KANK1: variants seen among roughly 807,000 people sequenced by gnomAD.
KANK1 encodes the protein KN motif and ankyrin repeat domains 1.
KANK1 carries 109 observed loss-of-function variants against 106.2 expected under a neutral mutation model. The observed-to-expected ratio is 1.03, with a 90% CI of 0.88 to 1.20. The LOEUF is 1.20. Among genes scored for constraint, KANK1 ranks in the 50% most tolerant of loss-of-function variants. KANK1 has a pLI of 0.00. For synonymous variants in KANK1, 873 were observed against 652.2 expected (o/e 1.34, Z -5.16); for missense variants, 2,399 against 1,710.7 (o/e 1.40, Z -7.10).
intron 3 of KANK1, among the ~76,000 whole-genome samples, chr9:723,494 C>G (rs750690751): frequency 6.9e-6 from 1 of 145,316 alleles, no homozygotes; most frequent in African/African-American, 2.8e-5. Context: ...TCACAAGCAC[C>G]TGGGTCCTGT....
intron 3 of KANK1, among the ~76,000 whole-genome samples, chr9:482,172 C>T (rs961152681): frequency 1.3e-5 from 2 of 152,180 alleles, no homozygotes; most frequent in African/African-American, 4.8e-5. Context: ...CATATCCCAG[C>T]CTCACCGCCT....
At chr9:585,030 A>G (rs1823113115) in intron 1 of KANK1, among the ~76,000 whole-genome samples, 1 of 152,082 alleles carries the variant, frequency 6.6e-6, no homozygotes, top group African/African-American at 2.4e-5. Context: ...ACCCAGTGAC[A>G]TTTTGTCCTT....
At chr9:744,765 T>A in intron 11 of KANK1, 176 bp downstream of exon 11, 2 of 1,497,800 alleles carry the variant, frequency 1.3e-6, no homozygotes, top group Non-Finnish European at 1.8e-6. Flanking sequence ...GCAGGAGAAC[T>A]AATGTTTTAG....
At chr9:743,414 G>T (rs986029288) in intron 10 of KANK1, among the ~76,000 whole-genome samples, 1 of 152,186 alleles carries the variant, frequency 6.6e-6, no homozygotes, top group Non-Finnish European at 1.5e-5. Context: ...GCTTCTGACC[G>T]ACTTCTTTCT....
intron 3 of KANK1, among the ~76,000 whole-genome samples, chr9:496,679 G>GT (rs2058463544): frequency 1.3e-5 from 2 of 152,172 alleles, no homozygotes; most frequent in Admixed American, 1.3e-4. Flanking sequence ...AGCATTACAA[G>GT]TTGTTTTTGC....
At chr9:534,816 A>G (rs1587592660) in intron 1 of KANK1, among the ~76,000 whole-genome samples, 1 of 152,254 alleles carries the variant, frequency 6.6e-6, no homozygotes, top group Admixed American at 6.5e-5. Flanking sequence ...AAAGCTGTTT[A>G]TTCATCTTAA....
intron 1 of KANK1, among the ~76,000 whole-genome samples, chr9:635,762 G>A (rs929047220): frequency 2.3e-5 from 3 of 130,604 alleles, no homozygotes; most frequent in Admixed American, 8.9e-5. Context: ...GCAGTGGCAC[G>A]ATCTCAGCTC....
intron 1 of KANK1, among the ~76,000 whole-genome samples, chr9:603,753 C>T (rs1023865380): frequency 4.6e-5 from 7 of 151,388 alleles, no homozygotes; most frequent in South Asian, 2.1e-4. Context: ...GTCTGGAGTC[C>T]GAGACCAGTC....
chr9:742,441 C>T, intron 10 of KANK1, 36 bp downstream of exon 10: 1 of 1,540,182 alleles, frequency 6.5e-7, no homozygotes, highest in Non-Finnish European at 8.9e-7. Flanking sequence ...GGCCAGGGGT[C>T]TGGGGGACTC....
At chr9:683,235 C>G (rs1024642619) in intron 2 of KANK1, among the ~76,000 whole-genome samples, 1 of 152,066 alleles carries the variant, frequency 6.6e-6, no homozygotes, top group African/African-American at 2.4e-5. Context: ...TTCAGGGTCT[C>G]CTGGTTGAAT....
In KANK1 at chr9:555,201, C is replaced by T. The variant is rs184859424; in HGVS notation, c.-84+50447C>T. 2.6e-5 allele frequency among the ~76,000 whole-genome samples: 4 copies of T among 152,286 alleles called. No individual in the cohort carries two copies. The East Asian group carries it at 7.7e-4, about 29-fold the overall frequency. On this transcript the variant is annotated intron_variant, in intron 1 of 11. Transcript: ENST00000382297. ...TAGCTAATCCCTGAGAAAGCCATTT[C>T]CTAGTCTTATACCACGTCAGTAATC...
chr9:493,298 C>T (rs552035630), intron 3 of KANK1, among the ~76,000 whole-genome samples: 99 of 152,286 alleles, frequency 6.5e-4, no homozygotes, highest in Non-Finnish European at 1.3e-3. Context: ...GGACAGTTCA[C>T]GTGACAAACC....
At position 734,844 on chromosome 9, in the gene KANK1, G is replaced by C; in HGVS notation, c.3333+9G>C. The C allele has an allele frequency of 1.9e-6, 3 of 1,600,998 alleles. No individual in the cohort carries two copies. Among genetic ancestry groups the C allele is most frequent in the East Asian group, 2.2e-5 (1 of 44,826 alleles). On this transcript the variant is annotated intron_variant, in intron 7 of 11. Coordinates refer to ENST00000382297, the MANE Select transcript of KANK1 (RefSeq NM_015158.5). ...TGACCAGCAAAGATATGGTGAGTCT[G>C]ACCTGCAAACACCATCCCCAGTGTG...
chr9:559,984 TAGAAG>T (rs1236387546), intron 1 of KANK1, among the ~76,000 whole-genome samples: 1 of 152,208 alleles, frequency 6.6e-6, no homozygotes, highest in Non-Finnish European at 1.5e-5. Context: ...TTCTTCGTCT[TAGAAG>T]AGAAGTTTCC....
chr9:588,774 C>G (rs1308339402), intron 1 of KANK1, among the ~76,000 whole-genome samples: 1 of 152,114 alleles, frequency 6.6e-6, no homozygotes, highest in Non-Finnish European at 1.5e-5. Flanking sequence ...CAAATCATGA[C>G]TGTGCTGTGC....
intron 3 of KANK1, among the ~76,000 whole-genome samples, chr9:717,094 G>C (rs1276097473): frequency 6.6e-6 from 1 of 152,024 alleles, no homozygotes; most frequent in Non-Finnish European, 1.5e-5. Context: ...AGACCATCCT[G>C]GGCAATATGG....
At chr9:473,496 C>T (rs959424325) in intron 3 of KANK1, among the ~76,000 whole-genome samples, 5 of 152,188 alleles carry the variant, frequency 3.3e-5, no homozygotes, top group African/African-American at 7.2e-5. Context: ...GATCATCAAC[C>T]ATAATCCCTA....
At chr9:648,131 G>A (rs1311116777) in intron 1 of KANK1, among the ~76,000 whole-genome samples, 1 of 149,224 alleles carries the variant, frequency 6.7e-6, no homozygotes, top group Non-Finnish European at 1.5e-5. Flanking sequence ...AGCCTCCCGA[G>A]TAGCTGGGAC....
chr9:486,959 TTAATA>T (rs2058303954), intron 3 of KANK1, among the ~76,000 whole-genome samples: 1 of 152,226 alleles, frequency 6.6e-6, no homozygotes, highest in African/African-American at 2.4e-5. Context: ...TTATTGATAT[TTAATA>T]TGATATGGTA....
Sources: gnomAD v4.1 joint callset for allele counts (sites outside exome capture counted in the v4.1 genomes callset) on GRCh38, gnomAD v4.1.1 for gene constraint, MANE v1.5 for transcripts, NCBI Gene and HGNC (gene_info 2026-07-23, HGNC 2026-07-21) for gene names.